The following SLC13A4 variants were observed in gnomAD, a reference collection of about 807,000 sequenced individuals.
SLC13A4 encodes solute carrier family 13 member 4.
A neutral mutation model predicts 72.7 loss-of-function variants in SLC13A4; 28 were observed. The observed-to-expected ratio is 0.39, with a 90% confidence interval of 0.29 to 0.53. The LOEUF (loss-of-function observed/expected upper bound fraction) is 0.53. Among genes scored for constraint, SLC13A4 ranks in the 20% least tolerant of loss-of-function variants. SLC13A4 has a pLI of 0.78. For synonymous variants in SLC13A4, 312 were observed against 325.5 expected (o/e 0.96, Z 0.45); for missense variants, 653 against 788.0 (o/e 0.83, Z 2.05).
rs1795782653 is a variant in SLC13A4, at chr7:135,691,379, G to C, written c.1322-54C>G. Reference sequence around the variant, plus strand: ...TAAACCCTGATGGACGTGATTTGTGGAGACAGGAGCCTAATTGGTGAAGTG... The same window carrying C: ...TAAACCCTGATGGACGTGATTTGTGCAGACAGGAGCCTAATTGGTGAAGTG... On this transcript the variant is annotated intron_variant, in intron 12 of 15. Transcript: ENST00000682651. The C allele has an allele frequency of 4.1e-6, 6 of 1,454,848 alleles. No homozygotes were observed. The South Asian group carries it at 6.8e-5, about 17-fold the overall frequency. 90.1% of individuals were successfully genotyped at this position (1,454,848 alleles called of 1,614,324 possible).
chr7:135,712,022 G>GGCTGT (rs76607055), intron 2 of SLC13A4, among the ~76,000 whole-genome samples: 4,361 of 116,400 alleles, frequency 0.037, 95 homozygotes, highest in Middle Eastern at 0.18. Flanking sequence ...GCTTTAACCA[G>GGCTGT]CTTGTTGGCC....
At chr7:135,719,077 T>C (rs1483824567) in intron 2 of SLC13A4, among the ~76,000 whole-genome samples, 2 of 152,218 alleles carry the variant, frequency 1.3e-5, no homozygotes, top group Admixed American at 1.3e-4. Context: ...TCACCTCAAA[T>C]GATAAGACGT....
chr7:135,701,714 T>C lies in SLC13A4; in HGVS notation c.680A>G (p.Asn227Ser), dbSNP rs1796040471. 1.2e-6 allele frequency: 2 copies of C among 1,613,722 alleles called. No individual in the cohort carries two copies. The highest frequency in any genetic ancestry group is 8.5e-7 in the Non-Finnish European group (1 of 1,179,898). The change falls in exon 7 of 16, where the codon AAC becomes AGC. Residue 227 changes from asparagine to serine, a missense_variant. Asn to Ser is a conservative substitution (Grantham distance 46). Coordinates refer to ENST00000682651, the MANE Select transcript of SLC13A4 (RefSeq NM_001318192.2). Reference protein sequence around the residue: ...PSITNPIKTANQHQGKKQHPS... With the variant: ...PSITNPIKTASQHQGKKQHPS... ...GTGTTGCTTCTTGCCCTGGTGTTGGTTTGCAGTTTTGATGGGGTTGGTGAT... is the reference window on the plus strand; with the variant it reads ...GTGTTGCTTCTTGCCCTGGTGTTGGCTTGCAGTTTTGATGGGGTTGGTGAT...
intron 13 of SLC13A4, chr7:135,688,861 G>GT (rs1047476894): frequency 0.016 from 2,329 of 147,840 alleles, 59 homozygotes; most frequent in African/African-American, 0.047. Flanking sequence ...TGTTTTTATT[G>GT]TTTTTTTTTT....
At chr7:135,696,231 G>A (rs62479535) in intron 8 of SLC13A4, among the ~76,000 whole-genome samples, 5,327 of 152,294 alleles carry the variant, frequency 0.035, 110 homozygotes, top group Middle Eastern at 0.088. Flanking sequence ...CCCTCTATCA[G>A]TGATCCCTTC....
chr7:135,718,070 T>TACACACACAC lies in SLC13A4; in HGVS notation c.228+3315_228+3324dup, dbSNP rs148088162. On this transcript the variant is annotated intron_variant, in intron 2 of 15. Coordinates refer to ENST00000682651, the MANE Select transcript of SLC13A4 (RefSeq NM_001318192.2). ...ATAATTAATCAAGTGAGCCAATTCCTACACACACACACACACACGCGCGCG... is the reference window on the plus strand; with the variant it reads ...ATAATTAATCAAGTGAGCCAATTCCTACACACACACACACACACACACACACACGCGCGCG... 5.8e-3 allele frequency among the ~76,000 whole-genome samples: 593 copies of TACACACACAC among 102,476 alleles called. 4 individuals carry two copies. The highest frequency in any genetic ancestry group is 0.036 in the South Asian group (110 of 3,064). 67.2% of individuals were successfully genotyped at this position (102,476 alleles called of 152,430 possible). A position where few individuals can be genotyped will look rare whatever the true frequency, so the allele number is the denominator to read the frequency against.
chr7:135,701,600 G>T (rs146294445), intron 7 of SLC13A4, 80 bp downstream of exon 7: 4 of 1,397,572 alleles, frequency 2.9e-6, no homozygotes, highest in Non-Finnish European at 4.0e-6. Flanking sequence ...ATTCCCTTAC[G>T]ACTTCAAGAC....
intron 13 of SLC13A4, among the ~76,000 whole-genome samples, chr7:135,686,047 G>C (rs62479530): frequency 0.035 from 5,324 of 152,286 alleles, 107 homozygotes; most frequent in Middle Eastern, 0.088. Context: ...TCCTTACCCT[G>C]TGCATTGATT....
In SLC13A4 at chr7:135,681,399, C is replaced by T. The variant is rs1795496254; in HGVS notation, c.*164G>A. 2.7e-6 allele frequency: 2 copies of T among 745,818 alleles called. No homozygotes were observed. The highest frequency in any genetic ancestry group is 4.2e-6 in the Non-Finnish European group (2 of 479,332). The allele number at this position is 745,818 out of a possible 1,614,324, so 46.2% of individuals were successfully genotyped here. On this transcript the variant is annotated 3_prime_UTR_variant, in exon 16 of 16. Transcript: ENST00000682651. ...TGTGTTTGTGGTTGTTGGAGGATTC[C>T]TGCAGTTCACTTGAGGTGGCGGAAT... is the stretch of plus-strand genomic sequence containing the variant.
intron 1 of SLC13A4, among the ~76,000 whole-genome samples, chr7:135,725,562 A>T (rs1294180605): frequency 1.3e-5 from 2 of 152,132 alleles, no homozygotes; most frequent in African/African-American, 4.8e-5. Context: ...GTCGCTTAGA[A>T]CCATCAAAAC....
chr7:135,690,655 C>G (rs1036355491), intron 13 of SLC13A4, among the ~76,000 whole-genome samples: 2 of 152,200 alleles, frequency 1.3e-5, no homozygotes, highest in Non-Finnish European at 2.9e-5. Context: ...CATAGATGAA[C>G]TATCAATGCC....
chr7:135,705,795 T>G, intron 4 of SLC13A4, 145 bp from the exon 5 acceptor site: 1 of 701,602 alleles, frequency 1.4e-6, no homozygotes, highest in Non-Finnish European at 2.5e-6. Context: ...GTAAATAGAA[T>G]GGGGCTCATG....
In SLC13A4 at chr7:135,727,490, G is replaced by T; in HGVS notation, c.7C>A (p.Leu3Met). Residue 3 changes from leucine (L) to methionine (M), a missense_variant, in exon 1 of 16, where the codon CTG becomes ATG. Physicochemically the swap from Leu to Met is conservative, Grantham distance 15 (BLOSUM62 2). Transcript: ENST00000682651. ...CGGACTCGGAGCAGGCCCTGCAGCA[G>T]GCCCATCGCGCCTCTGTCCTCTCCA... MG[L>M]LQGLLRVRKL... is the part of the protein sequence containing the mutation. 2 of 1,550,412 alleles carry T rather than the reference G, an allele frequency of 1.3e-6. No individual in the cohort carries two copies. The highest frequency in any genetic ancestry group is 8.7e-7 in the Non-Finnish European group (1 of 1,146,736).
Position 135,692,351 on chromosome 7 carries a change from C to G in SLC13A4, c.1195G>C (p.Val399Leu), listed in dbSNP as rs1307529480. 3 of 1,613,814 alleles carry G rather than the reference C, an allele frequency of 1.9e-6. No individual in the cohort carries two copies. In the South Asian group the frequency reaches 3.3e-5, roughly 18 times the overall value. ...TCAAAGAAAGAATCCCAGCCAGGGA[C>G]AAAGCCAGGCTCCCGGGTAAACCAC... ...VLWFTREPGF[V>L]PGWDSFFEKK... is the part of the protein sequence containing the mutation. The change falls in exon 11 of 16, where the codon GTC (valine) becomes CTC (leucine). Residue 399 changes from valine (V) to leucine (L), a missense_variant. Val to Leu is a conservative substitution (Grantham distance 32). Transcript: ENST00000682651.
rs1208549103 is a variant in SLC13A4 at position 135,694,246 on chromosome 7, G to A, written c.1020-8C>T. 7.2e-6 allele frequency: 11 copies of A among 1,524,114 alleles called. No individual in the cohort carries two copies. Among genetic ancestry groups the A allele is most frequent in the Non-Finnish European group, 1.0e-5 (11 of 1,099,706 alleles). The allele number at this position is 1,524,114 out of a possible 1,614,324, so 94.4% of individuals were successfully genotyped here. ...GAGCAGGTCTCTTTAAAACTGAGAA[G>A]GGAGAATGAGCAAATGATTAAAGAA... On this transcript the variant is annotated splice_polypyrimidine_tract_variant and splice_region_variant and intron_variant, in intron 9 of 15. Coordinates refer to ENST00000682651, the MANE Select transcript of SLC13A4 (RefSeq NM_001318192.2).
At chr7:135,722,613 C>T (rs1425262748) in intron 1 of SLC13A4, among the ~76,000 whole-genome samples, 1 of 151,774 alleles carries the variant, frequency 6.6e-6, no homozygotes, top group Non-Finnish European at 1.5e-5. Flanking sequence ...AGCTTTATTG[C>T]TTTAAAAATG....
chr7:135,687,978 ATTTT>A (rs758150576), intron 13 of SLC13A4, among the ~76,000 whole-genome samples: 1 of 134,760 alleles, frequency 7.4e-6, no homozygotes, highest in Admixed American at 7.4e-5. Context: ...CCCCGGCTAA[ATTTT>A]TTTTTTTTTT....
chr7:135,697,893 G>T (rs903655957), intron 8 of SLC13A4, among the ~76,000 whole-genome samples: 1 of 152,058 alleles, frequency 6.6e-6, no homozygotes, highest in Non-Finnish European at 1.5e-5. Context: ...CCACATGGTC[G>T]CCTCTTCAGG....
At chr7:135,722,282 C>A (rs1796565822) in intron 1 of SLC13A4, among the ~76,000 whole-genome samples, 2 of 150,008 alleles carry the variant, frequency 1.3e-5, no homozygotes, top group African/African-American at 4.9e-5. Flanking sequence ...ACAAAAAAAA[C>A]AGTTCGTTCA....
Sources: gnomAD v4.1 joint callset for allele counts (sites outside exome capture counted in the v4.1 genomes callset) on GRCh38, gnomAD v4.1.1 for gene constraint, MANE v1.5 for transcripts, NCBI Gene and HGNC (gene_info 2026-07-23, HGNC 2026-07-21) for gene names.